Variants in VCPKMT observed in about 807,000 individuals in gnomAD.
VCPKMT encodes the protein valosin containing protein lysine methyltransferase.
In VCPKMT, 32 loss-of-function variants were observed where a neutral mutation model predicts 28.6. The ratio of observed to expected loss-of-function variants is 1.12; its 90% CI spans 0.84 to 1.50. The LOEUF is 1.50. VCPKMT is among the 40% of genes most tolerant of loss of function. The pLI, the probability that VCPKMT is intolerant of heterozygous loss-of-function variation, is 0.00. For synonymous variants in VCPKMT, 138 were observed against 111.4 expected, an observed-to-expected ratio of 1.24 and a Z score of -1.50; for missense variants, 366 against 285.0, an observed-to-expected ratio of 1.28 and a Z score of -2.05.
At chr14:50,109,795 C>A in intron 5 of VCPKMT, 82 bp from the exon 6 acceptor site, 1 of 1,480,772 alleles carries the variant, frequency 6.8e-7, no homozygotes, top group South Asian at 1.3e-5. Context: ...TAATATGCCT[C>A]ATAATGCCTA....
downstream of VCPKMT, among the ~76,000 whole-genome samples, chr14:50,105,767 G>A (rs766970648): frequency 3.3e-5 from 5 of 152,176 alleles, no homozygotes; most frequent in Non-Finnish European, 7.3e-5. Flanking sequence ...AGTTATAACT[G>A]GTGTACAGAA....
Position 50,109,521 on chromosome 14 carries a change from C to G in VCPKMT, c.*178G>C, listed in dbSNP as rs1432291151. 4 of 1,311,378 alleles carry G rather than the reference C, an allele frequency of 3.1e-6. No individual in the cohort carries two copies. Among genetic ancestry groups the G allele is most frequent in the Non-Finnish European group, 3.9e-6 (4 of 1,032,748 alleles). 81.2% of individuals were successfully genotyped at this position (1,311,378 alleles called of 1,614,324 possible). A position where few individuals can be genotyped will look rare whatever the true frequency, so the allele number is the denominator to read the frequency against. On this transcript the variant is annotated 3_prime_UTR_variant, in exon 6 of 6. Transcript: ENST00000395860. ...GGCCATTGGCAGGCAGGCAGGCAAG[C>G]AGGAATTTTTCGTATTGCAGACAGC...
rs1326065939 is a variant in VCPKMT at position 50,109,273 on chromosome 14, C to CA, written c.*425dup. 6.1e-6 allele frequency: 6 copies of CA among 979,014 alleles called. No homozygotes were observed. Among genetic ancestry groups the CA allele is most frequent in the Non-Finnish European group, 6.1e-6 (5 of 823,362 alleles). The allele number at this position is 979,014 out of a possible 1,614,324, so 60.6% of individuals were successfully genotyped here. A position where few individuals can be genotyped will look rare whatever the true frequency, so the allele number is the denominator to read the frequency against. On this transcript the variant is annotated 3_prime_UTR_variant, in exon 6 of 6. Transcript: ENST00000395860. ...ATGAAAACCTTTTAAACTCTGAAGA[C>CA]AAACTAAAATTTACTAGTTTGAATT... is the stretch of plus-strand genomic sequence containing the variant.
At position 50,109,290 on chromosome 14, in the gene VCPKMT, G is replaced by C; in HGVS notation, c.*409C>G. ...TCTGAAGACAAACTAAAATTTACTA[G>C]TTTGAATTTAAAACATTATTATATA... is the stretch of plus-strand genomic sequence containing the variant. On this transcript the variant is annotated 3_prime_UTR_variant, in exon 6 of 6. Coordinates refer to ENST00000395860, the MANE Select transcript of VCPKMT (RefSeq NM_024558.3). 4 of 988,846 alleles carry C rather than the reference G, an allele frequency of 4.0e-6. No individual in the cohort carries two copies. Among genetic ancestry groups the C allele is most frequent in the Non-Finnish European group, 4.8e-6 (4 of 831,360 alleles). The allele number at this position is 988,846 out of a possible 1,614,324, so 61.3% of individuals were successfully genotyped here.
chr14:50,106,936 TCTCAAGCTCCTGGG>T (rs1386161453), downstream of VCPKMT, among the ~76,000 whole-genome samples: 28 of 152,202 alleles, frequency 1.8e-4, no homozygotes, highest in Admixed American at 1.8e-3. Context: ...CCCAGCCTGG[TCTCAAGCTCCTGGG>T]CTCAAGTGAT....
downstream of VCPKMT, among the ~76,000 whole-genome samples, chr14:50,108,078 AC>A (rs1882396870): frequency 6.6e-6 from 1 of 151,820 alleles, no homozygotes; most frequent in Middle Eastern, 3.4e-3. Context: ...AGTTCCAGCT[AC>A]TAAGGAGGGT....
Position 50,109,481 on chromosome 14 carries a change from C to T in VCPKMT, c.*218G>A. On this transcript the variant is annotated 3_prime_UTR_variant, in exon 6 of 6. Coordinates refer to ENST00000395860, the MANE Select transcript of VCPKMT (RefSeq NM_024558.3). Reference sequence around the variant, plus strand: ...AGAACTTGATGCTGAACTAAGTAACCTAAGCTGGATTCAGGGCCATTGGCA... The same window carrying T: ...AGAACTTGATGCTGAACTAAGTAACTTAAGCTGGATTCAGGGCCATTGGCA... 7.8e-7 allele frequency: 1 copy of T among 1,278,444 alleles called. No homozygotes were observed. The highest frequency in any genetic ancestry group is 2.6e-5 in the South Asian group (1 of 37,954). 79.2% of individuals were successfully genotyped at this position (1,278,444 alleles called of 1,614,324 possible).
At position 50,109,149 on chromosome 14, in the gene VCPKMT, G is replaced by A; in HGVS notation, c.*550C>T. 1.1e-6 allele frequency: 1 copy of A among 914,148 alleles called. No individual in the cohort carries two copies. Among genetic ancestry groups the A allele is most frequent in the South Asian group, 5.0e-5 (1 of 20,130 alleles). The allele number at this position is 914,148 out of a possible 1,614,324, so 56.6% of individuals were successfully genotyped here. The stretch of plus-strand genomic sequence containing the variant: ...TATAAGTATACAAGACAATATCTCA[G>A]TTCTTTTTAAAATTAAAAGAACATT... On this transcript the variant is annotated 3_prime_UTR_variant, in exon 6 of 6. Coordinates refer to ENST00000395860, the MANE Select transcript of VCPKMT (RefSeq NM_024558.3).
chr14:50,114,616 G>T (rs1268462513), intron 3 of VCPKMT, among the ~76,000 whole-genome samples: 1 of 152,242 alleles, frequency 6.6e-6, no homozygotes, highest in African/African-American at 2.4e-5. Flanking sequence ...TGGAAAGATC[G>T]CTTGAAAGCA....
intron 4 of VCPKMT, among the ~76,000 whole-genome samples, chr14:50,113,098 T>C (rs115192565): frequency 0.024 from 3,719 of 152,268 alleles, 145 homozygotes; most frequent in African/African-American, 0.083. Flanking sequence ...TGGTTACCTT[T>C]TGAGTATTGC....
chr14:50,112,049 C>T, intron 5 of VCPKMT: 1 of 985,026 alleles, frequency 1.0e-6, no homozygotes, highest in Non-Finnish European at 1.2e-6. Context: ...GTGCATTTAT[C>T]TTTTATGGAC....
chr14:50,109,585 C>T lies in VCPKMT; in HGVS notation c.*114G>A, dbSNP rs958029639. 42 of 1,449,086 alleles carry T rather than the reference C, an allele frequency of 2.9e-5. No homozygotes were observed. Among genetic ancestry groups the T allele is most frequent in the African/African-American group, 7.3e-5 (5 of 68,086 alleles). 89.8% of individuals were successfully genotyped at this position (1,449,086 alleles called of 1,614,324 possible). On this transcript the variant is annotated 3_prime_UTR_variant, in exon 6 of 6. Transcript: ENST00000395860. ...CATCTATACATCGGATCTCTAAGGA[C>T]GTGCCGGAAAAAAAAATCTGTGAAC...
Position 50,109,577 on chromosome 14 carries a change from T to C in VCPKMT, c.*122A>G. 2 of 1,434,402 alleles carry C rather than the reference T, an allele frequency of 1.4e-6. No homozygotes were observed. The allele number at this position is 1,434,402 out of a possible 1,614,324, so 88.9% of individuals were successfully genotyped here. A position where few individuals can be genotyped will look rare whatever the true frequency, so the allele number is the denominator to read the frequency against. On this transcript the variant is annotated 3_prime_UTR_variant, in exon 6 of 6. Coordinates refer to ENST00000395860, the MANE Select transcript of VCPKMT (RefSeq NM_024558.3). ...GTGGTCATCATCTATACATCGGATC[T>C]CTAAGGACGTGCCGGAAAAAAAAAT...
chr14:50,114,174 C>G (rs527719115), intron 4 of VCPKMT, 111 bp downstream of exon 4: 1 of 1,109,386 alleles, frequency 9.0e-7, no homozygotes, highest in East Asian at 2.9e-5. Flanking sequence ...CTCAGCTTCA[C>G]ACAAACAGCA....
chr14:50,115,144 TG>T (rs1462839957), intron 3 of VCPKMT, among the ~76,000 whole-genome samples: 38 of 123,960 alleles, frequency 3.1e-4, no homozygotes, highest in South Asian at 7.5e-4. Flanking sequence ...TACAAACTGA[TG>T]TTTTTTTTTT....
Position 50,109,590 on chromosome 14 carries a change from CG to C in VCPKMT, c.*108del, listed in dbSNP as rs1368256872. 1 of 1,456,128 alleles carries C rather than the reference CG, an allele frequency of 6.9e-7. No individual in the cohort carries two copies. Among genetic ancestry groups the C allele is most frequent in the African/African-American group, 1.5e-5 (1 of 68,136 alleles). 90.2% of individuals were successfully genotyped at this position (1,456,128 alleles called of 1,614,324 possible). A position where few individuals can be genotyped will look rare whatever the true frequency, so the allele number is the denominator to read the frequency against. ...ATACATCGGATCTCTAAGGACGTGC[CG>C]GAAAAAAAAATCTGTGAACACAATC... On this transcript the variant is annotated 3_prime_UTR_variant, in exon 6 of 6. Coordinates refer to ENST00000395860, the MANE Select transcript of VCPKMT (RefSeq NM_024558.3).
At chr14:50,113,378 G>A (rs1882840017) in intron 4 of VCPKMT, 1 of 152,132 alleles carries the variant, frequency 6.6e-6, no homozygotes, top group Admixed American at 6.6e-5. Flanking sequence ...ACCTGAGGCA[G>A]TCATATACCT....
In VCPKMT at chr14:50,114,362, A is replaced by G. The variant is rs1882947814; in HGVS notation, c.493T>C (p.Phe165Leu). The G allele has an allele frequency of 6.3e-7, 1 of 1,585,204 alleles. No individual in the cohort carries two copies. The highest frequency in any genetic ancestry group is 8.6e-7 in the Non-Finnish European group (1 of 1,168,736). ...LLKTLKDISG[F>L]ETCIICCYEQ... ...TAACAACATATAATACAAGTTTCAA[A>G]TCCGCTGATATCTTTTAGAGTTTTC... The change falls in exon 4 of 6, where the codon TTT (phenylalanine) becomes CTT (leucine). Residue 165 changes from phenylalanine (F) to leucine (L), a missense_variant. Physicochemically the swap from Phe to Leu is conservative, Grantham distance 22. Transcript: ENST00000395860.
intron 5 of VCPKMT, among the ~76,000 whole-genome samples, chr14:50,110,507 G>A (rs1156840821): frequency 1.3e-5 from 2 of 152,180 alleles, no homozygotes; most frequent in African/African-American, 4.8e-5. Context: ...CCACAGTTTA[G>A]AGACTATCTC....
Sources: gnomAD v4.1 joint callset for allele counts (sites outside exome capture counted in the v4.1 genomes callset) on GRCh38, gnomAD v4.1.1 for gene constraint, MANE v1.5 for transcripts, NCBI Gene and HGNC (gene_info 2026-07-23, HGNC 2026-07-21) for gene names.